Variants in CDYL2 observed in about 807,000 individuals in gnomAD.
The protein encoded by CDYL2 is chromodomain Y like 2.
In CDYL2, 23 loss-of-function variants were observed where a neutral mutation model predicts 49.4. That is an observed-to-expected ratio of 0.47 (90% CI 0.34 to 0.66). The LOEUF is 0.66. CDYL2 is among the 30% of genes least tolerant of loss of function. The probability of loss-of-function intolerance (pLI) is 0.01; values close to 1 mark genes in which losing one functional copy is unlikely to be tolerated. For missense variants in CDYL2, 678 were observed against 656.4 expected, an observed-to-expected ratio of 1.03 and a Z score of -0.36; for synonymous variants, 360 against 268.8, an observed-to-expected ratio of 1.34 and a Z score of -3.32.
intron 1 of CDYL2, among the ~76,000 whole-genome samples, chr16:80,775,160 A>C (rs971125075): frequency 6.6e-6 from 1 of 151,890 alleles, no homozygotes; most frequent in Non-Finnish European, 1.5e-5. Context: ...TATAAGAAAT[A>C]CTTCAGCATC....
At chr16:80,681,252 C>T (rs1386239755) in intron 2 of CDYL2, among the ~76,000 whole-genome samples, 2 of 152,110 alleles carry the variant, frequency 1.3e-5, no homozygotes. Flanking sequence ...ACCCCTTCTG[C>T]TGGGCTAAGA....
chr16:80,624,106 C>T (rs1907202421), intron 3 of CDYL2, among the ~76,000 whole-genome samples: 1 of 152,164 alleles, frequency 6.6e-6, no homozygotes, highest in Non-Finnish European at 1.5e-5. Context: ...CTTGCAGCAA[C>T]ACTGCGTATC....
intron 2 of CDYL2, among the ~76,000 whole-genome samples, chr16:80,655,737 C>A (rs1451022781): frequency 6.6e-6 from 1 of 152,184 alleles, no homozygotes; most frequent in Non-Finnish European, 1.5e-5. Flanking sequence ...TCCTTGAGTA[C>A]TGGATTCAAA....
intron 3 of CDYL2, among the ~76,000 whole-genome samples, chr16:80,631,042 G>T (rs1907538449): frequency 6.6e-6 from 1 of 152,108 alleles, no homozygotes; most frequent in African/African-American, 2.4e-5. Flanking sequence ...AGAAAAAGGG[G>T]TCTCGGAGTT....
intron 5 of CDYL2, among the ~76,000 whole-genome samples, chr16:80,610,858 G>T (rs1906563068): frequency 6.6e-6 from 1 of 152,118 alleles, no homozygotes; most frequent in African/African-American, 2.4e-5. Flanking sequence ...ACATCTGCTG[G>T]CAGATGCCCC....
intron 1 of CDYL2, among the ~76,000 whole-genome samples, chr16:80,712,233 A>T (rs958574457): frequency 9.4e-6 from 1 of 106,134 alleles, no homozygotes; most frequent in Non-Finnish European, 2.3e-5. Context: ...ACCACTGCTC[A>T]CTGTGATTTA....
intron 1 of CDYL2, among the ~76,000 whole-genome samples, chr16:80,725,135 C>A (rs944405302): frequency 2.6e-5 from 4 of 152,066 alleles, no homozygotes; most frequent in Admixed American, 2.0e-4. Flanking sequence ...TTCCCTTTCA[C>A]TGGAACACTC....
At chr16:80,641,299 G>A (rs907038368) in intron 2 of CDYL2, among the ~76,000 whole-genome samples, 1 of 151,890 alleles carries the variant, frequency 6.6e-6, no homozygotes, top group Non-Finnish European at 1.5e-5. Context: ...AGGAGAGAAT[G>A]GCATGACATA....
intron 1 of CDYL2, among the ~76,000 whole-genome samples, chr16:80,734,856 T>C (rs1463095316): frequency 9.9e-5 from 15 of 152,202 alleles, no homozygotes; most frequent in Admixed American, 9.2e-4. Context: ...GAAGTCATAA[T>C]GGACCTGCCA....
chr16:80,708,189 A>ATGGTT (rs1019324684), intron 1 of CDYL2, among the ~76,000 whole-genome samples: 1 of 152,160 alleles, frequency 6.6e-6, no homozygotes, highest in Non-Finnish European at 1.5e-5. Context: ...ATCTTGTCAT[A>ATGGTT]TGGTTTGGCT....
chr16:80,687,683 T>C (rs552246062), intron 1 of CDYL2, among the ~76,000 whole-genome samples: 1 of 152,256 alleles, frequency 6.6e-6, no homozygotes, highest in African/African-American at 2.4e-5. Flanking sequence ...ATTAGCAAAA[T>C]ATTTAAGAAC....
chr16:80,728,594 G>A (rs1905236692), intron 1 of CDYL2, among the ~76,000 whole-genome samples: 1 of 151,982 alleles, frequency 6.6e-6, no homozygotes. Context: ...GAAATACAGA[G>A]AATGCCACAA....
At chr16:80,746,712 G>A (rs920339951) in intron 1 of CDYL2, among the ~76,000 whole-genome samples, 2 of 152,138 alleles carry the variant, frequency 1.3e-5, no homozygotes, top group African/African-American at 4.8e-5. Context: ...TGAGGGTGTG[G>A]GGCAGGGGGA....
intron 1 of CDYL2, among the ~76,000 whole-genome samples, chr16:80,744,482 C>T (rs530552539): frequency 1.7e-5 from 2 of 117,348 alleles, no homozygotes; most frequent in African/African-American, 5.2e-5. Flanking sequence ...AGGTGATGAC[C>T]AAAAGAAGGA....
intron 2 of CDYL2, among the ~76,000 whole-genome samples, chr16:80,645,514 G>A (rs1273485786): frequency 2.0e-5 from 3 of 152,132 alleles, no homozygotes; most frequent in Non-Finnish European, 4.4e-5. Context: ...TGGAGAAATA[G>A]GAACACTTTT....
At chr16:80,631,623 TAGG>T (rs1369100511) in intron 3 of CDYL2, among the ~76,000 whole-genome samples, 1 of 152,204 alleles carries the variant, frequency 6.6e-6, no homozygotes, top group Non-Finnish European at 1.5e-5. Context: ...ACTCTCAGAA[TAGG>T]AGAACATATT....
chr16:80,745,007 C>A (rs1246731836), intron 1 of CDYL2, among the ~76,000 whole-genome samples: 2 of 152,268 alleles, frequency 1.3e-5, no homozygotes, highest in East Asian at 3.9e-4. Flanking sequence ...AACCCCTGAC[C>A]TACAGGGTGA....
At chr16:80,716,684 C>T (rs1904811888) in intron 1 of CDYL2, among the ~76,000 whole-genome samples, 1 of 148,250 alleles carries the variant, frequency 6.7e-6, no homozygotes, top group East Asian at 2.1e-4. Context: ...GGATGGATAA[C>T]AGAGGGGTAA....
At position 80,761,199 on chromosome 16, in the gene CDYL2, T is replaced by C. The variant is rs548948308; in HGVS notation, c.24+42951A>G. Among the ~76,000 whole-genome samples the C allele has an allele frequency of 2.6e-5, 4 of 152,140 alleles. No individual in the cohort carries two copies. The East Asian group carries it at 7.7e-4, about 29-fold the overall frequency. On this transcript the variant is annotated intron_variant, in intron 1 of 6. Coordinates refer to ENST00000570137, the MANE Select transcript of CDYL2 (RefSeq NM_152342.4). ...AAACTCAGCAGGTGAAGCCCAGCAA[T>C]CTGTTTGAACAAGCCCGCCAGGGGA... is the stretch of plus-strand genomic sequence containing the variant.
Sources: allele counts gnomAD v4.1 joint callset (sites outside exome capture counted in the v4.1 genomes callset), GRCh38; gene constraint gnomAD v4.1.1; transcripts MANE v1.5; gene names NCBI Gene and HGNC (gene_info 2026-07-23, HGNC 2026-07-21).